CLNK: variants seen among roughly 807,000 people sequenced by gnomAD.
CLNK encodes the protein cytokine-dependent hematopoietic cell linker.
In CLNK, 74 loss-of-function variants were observed where a neutral mutation model predicts 68.6. The observed-to-expected ratio is 1.08, with a 90% CI of 0.89 to 1.31. The LOEUF (loss-of-function observed/expected upper bound fraction) is 1.31. Among genes scored for constraint, CLNK ranks in the 50% most tolerant of loss-of-function variants. The pLI, the probability that CLNK is intolerant of heterozygous loss-of-function variation, is 0.00. For synonymous variants in CLNK, 198 were observed against 172.2 expected (o/e 1.15, Z -1.17); for missense variants, 553 against 515.3 (o/e 1.07, Z -0.71).
In CLNK at chr4:10,602,699, C is replaced by T. The variant is rs371503726; in HGVS notation, c.12-4650G>A. ...GTTTGTGGCAATTTGTTATGGCAGCCGCAGGAAAGACATGCACTAAACATC... is the reference window on the plus strand; with the variant it reads ...GTTTGTGGCAATTTGTTATGGCAGCTGCAGGAAAGACATGCACTAAACATC... On this transcript the variant is annotated intron_variant, in intron 2 of 18. Transcript: ENST00000226951. Among the ~76,000 whole-genome samples, 30 of 152,186 alleles carry T rather than the reference C, an allele frequency of 2.0e-4. No individual in the cohort carries two copies. In the South Asian group the frequency reaches 4.8e-3, roughly 24 times the overall value.
At chr4:10,706,767 C>T in the CLNK span, among the ~76,000 whole-genome samples, 1,619 of 152,232 alleles carry the variant, frequency 0.011, 35 homozygotes, top group African/African-American at 0.037. Context: ...CAGGCCAAGC[C>T]ACCCTGCCTT....
intron 2 of CLNK, among the ~76,000 whole-genome samples, chr4:10,634,399 C>T (rs529147835): frequency 5.3e-5 from 8 of 152,270 alleles, no homozygotes; most frequent in African/African-American, 1.9e-4. Context: ...TGTGTGCGCT[C>T]GGCTCTTCAT....
Position 10,528,860 on chromosome 4 carries a change from C to T in CLNK, c.631-766G>A, listed in dbSNP as rs556954320. On this transcript the variant is annotated intron_variant, in intron 12 of 18. Coordinates refer to ENST00000226951, the MANE Select transcript of CLNK (RefSeq NM_052964.4). The stretch of plus-strand genomic sequence containing the variant: ...TTTTAAAAATAAGCATGGAAATATT[C>T]ACATTATCCTTTTTAAATGTAGCCA... Among the ~76,000 whole-genome samples the T allele has an allele frequency of 2.0e-5, 3 of 152,240 alleles. No individual in the cohort carries two copies. In the South Asian group the frequency reaches 6.2e-4, roughly 32 times the overall value.
chr4:10,504,961 A>T (rs1337208087), intron 17 of CLNK, among the ~76,000 whole-genome samples: 1 of 152,178 alleles, frequency 6.6e-6, no homozygotes, highest in Non-Finnish European at 1.5e-5. Context: ...AGAGGAAGGG[A>T]ATATTTGCTG....
intron 5 of CLNK, among the ~76,000 whole-genome samples, chr4:10,568,823 A>G (rs1720224510): frequency 6.6e-6 from 1 of 152,214 alleles, no homozygotes; most frequent in African/African-American, 2.4e-5. Context: ...TAGTTGAGCC[A>G]TGCTGTGCCC....
At chr4:10,709,455 T>A in the CLNK span, among the ~76,000 whole-genome samples, 1 of 152,178 alleles carries the variant, frequency 6.6e-6, no homozygotes, top group Non-Finnish European at 1.5e-5. Flanking sequence ...TCCTAAGATC[T>A]CACAGCTAAT....
chr4:10,517,259 G>A (rs1230824836), intron 15 of CLNK: 2 of 151,984 alleles, frequency 1.3e-5, no homozygotes, highest in African/African-American at 4.8e-5. Context: ...GGAAAATAAA[G>A]GAGAGATGAA....
Position 10,571,748 on chromosome 4 carries a change from A to G in CLNK, c.143T>C (p.Leu48Pro). 6.2e-7 allele frequency: 1 copy of G among 1,612,802 alleles called. No individual in the cohort carries two copies. Among genetic ancestry groups the G allele is most frequent in the Non-Finnish European group, 8.5e-7 (1 of 1,178,898 alleles). Residue 48 changes from leucine (L) to proline (P), a missense_variant, in exon 5 of 19, where the codon CTA (leucine) becomes CCA (proline). By Grantham distance (98) the Leu-to-Pro change is moderately conservative. Transcript: ENST00000226951. ...GGGAAGCAGCTGACTTACCCAGTCT[A>G]GAAGAGGCTTGTTCATCCTCTGGTA... ...GQYQRMNKPL[L>P]DWERNFAAVL...
At chr4:10,689,414 C>A (rs374074732), upstream of CLNK, among the ~76,000 whole-genome samples, 2 of 152,158 alleles carry the variant, frequency 1.3e-5, no homozygotes, top group Non-Finnish European at 2.9e-5. Context: ...GGGTTACAGG[C>A]GTGAGCCACT....
At chr4:10,627,646 C>T (rs1722726616) in intron 2 of CLNK, among the ~76,000 whole-genome samples, 1 of 151,016 alleles carries the variant, frequency 6.6e-6, no homozygotes. Context: ...GACAGAGCGT[C>T]TCTCTGTCTC....
At chr4:10,644,788 A>T (rs1230199345) in intron 2 of CLNK, among the ~76,000 whole-genome samples, 1 of 152,252 alleles carries the variant, frequency 6.6e-6, no homozygotes, top group Non-Finnish European at 1.5e-5. Context: ...TCAGCAAGAA[A>T]TTGAGTGAAG....
chr4:10,722,356 C>T, the CLNK span, among the ~76,000 whole-genome samples: 3 of 152,138 alleles, frequency 2.0e-5, no homozygotes, highest in African/African-American at 7.2e-5. Context: ...ACCAACATGG[C>T]TCCAACATCC....
At chr4:10,603,671 G>A (rs1389636207) in intron 2 of CLNK, among the ~76,000 whole-genome samples, 2 of 152,226 alleles carry the variant, frequency 1.3e-5, no homozygotes, top group African/African-American at 2.4e-5. Context: ...AGGCCTCAGC[G>A]GCCCCCACGG....
intron 13 of CLNK, among the ~76,000 whole-genome samples, chr4:10,527,181 T>C (rs570425850): frequency 1.3e-3 from 194 of 152,364 alleles, no homozygotes; most frequent in African/African-American, 4.4e-3. Context: ...TTGTGTTGCC[T>C]GATGAAACAG....
intron 1 of CLNK, among the ~76,000 whole-genome samples, chr4:10,676,153 A>T (rs1483431743): frequency 1.3e-5 from 2 of 151,980 alleles, no homozygotes; most frequent in African/African-American, 4.8e-5. Context: ...TCAGATACAG[A>T]TGATATTAAT....
At chr4:10,641,749 C>G (rs1474087424) in intron 2 of CLNK, among the ~76,000 whole-genome samples, 1 of 152,144 alleles carries the variant, frequency 6.6e-6, no homozygotes, top group East Asian at 1.9e-4. Context: ...TGTCCCTACC[C>G]AAATCTCATC....
chr4:10,662,846 C>T (rs536089503), intron 2 of CLNK, among the ~76,000 whole-genome samples: 20 of 152,256 alleles, frequency 1.3e-4, no homozygotes, highest in South Asian at 4.1e-4. Flanking sequence ...CTAAAATTTC[C>T]GTCAATACTG....
At chr4:10,722,648 G>A in the CLNK span, among the ~76,000 whole-genome samples, 1 of 152,316 alleles carries the variant, frequency 6.6e-6, no homozygotes. Flanking sequence ...AAAGAAGGAA[G>A]CAACAAAAGC....
At chr4:10,517,232 C>T (rs1015506973) in intron 15 of CLNK, among the ~76,000 whole-genome samples, 1 of 149,910 alleles carries the variant, frequency 6.7e-6, no homozygotes, top group African/African-American at 2.5e-5. Flanking sequence ...GTACAACTTC[C>T]AAGAAAAAGA....
Sources: gnomAD v4.1 joint callset for allele counts (sites outside exome capture counted in the v4.1 genomes callset) on GRCh38, gnomAD v4.1.1 for gene constraint, MANE v1.5 for transcripts, NCBI Gene and HGNC (gene_info 2026-07-23, HGNC 2026-07-21) for gene names.